The following MDGA2 variants were observed in gnomAD, a reference collection of about 807,000 sequenced individuals.
MDGA2 encodes MAM domain-containing glycosylphosphatidylinositol anchor protein 2.
In MDGA2, 40 loss-of-function variants were observed where a neutral mutation model predicts 117.8. The ratio of observed to expected loss-of-function variants is 0.34; its 90% CI spans 0.26 to 0.44. The LOEUF is 0.44. Among genes scored for constraint, MDGA2 ranks in the 20% least tolerant of loss-of-function variants. The pLI is 1.00. For missense variants in MDGA2, 1,123 were observed against 1,250.6 expected (o/e 0.90, Z 1.54); for synonymous variants, 452 against 439.0 (o/e 1.03, Z -0.37).
intron 6 of MDGA2, among the ~76,000 whole-genome samples, chr14:47,075,449 T>C (rs1374880447): frequency 6.6e-6 from 1 of 152,214 alleles, no homozygotes; most frequent in Non-Finnish European, 1.5e-5. Context: ...TCAGATTGAT[T>C]GTTGTCACCT....
At chr14:47,135,294 A>G (rs1882398122) in intron 4 of MDGA2, among the ~76,000 whole-genome samples, 1 of 152,100 alleles carries the variant, frequency 6.6e-6, no homozygotes, top group Non-Finnish European at 1.5e-5. Flanking sequence ...GCAACCTTTT[A>G]CTAATATATT....
intron 1 of MDGA2, among the ~76,000 whole-genome samples, chr14:47,452,488 T>C (rs17118724): frequency 0.32 from 48,927 of 151,916 alleles, 8,377 homozygotes; most frequent in East Asian, 0.59. Flanking sequence ...TGTTCTGACA[T>C]ATTGAGACCT....
intron 8 of MDGA2, among the ~76,000 whole-genome samples, chr14:47,031,469 GT>G (rs1186825088): frequency 6.6e-6 from 1 of 152,050 alleles, no homozygotes; most frequent in African/African-American, 2.4e-5. Flanking sequence ...ATAAATATGT[GT>G]GTGCTTGCGT....
At chr14:47,177,482 T>A (rs1331057266) in intron 3 of MDGA2, among the ~76,000 whole-genome samples, 1 of 152,210 alleles carries the variant, frequency 6.6e-6, no homozygotes, top group Non-Finnish European at 1.5e-5. Context: ...TAAAAAATGA[T>A]GAGTTCATGT....
At chr14:47,076,199 T>C (rs1473397723) in intron 6 of MDGA2, among the ~76,000 whole-genome samples, 1 of 152,086 alleles carries the variant, frequency 6.6e-6, no homozygotes, top group Non-Finnish European at 1.5e-5. Context: ...TTGTACAATA[T>C]TTTTTAAGTT....
At chr14:46,946,879 C>T (rs1176892549) in intron 9 of MDGA2, among the ~76,000 whole-genome samples, 5 of 152,164 alleles carry the variant, frequency 3.3e-5, no homozygotes, top group South Asian at 2.1e-4. Flanking sequence ...ACTGACAGGT[C>T]GTAGGAAGGA....
chr14:47,361,186 ACTCTCT>A (rs374880544), intron 1 of MDGA2, among the ~76,000 whole-genome samples: 76 of 142,328 alleles, frequency 5.3e-4, no homozygotes, highest in African/African-American at 1.8e-3. Context: ...GTCATGTTGT[ACTCTCT>A]CTCTCTCTCT....
intron 3 of MDGA2, among the ~76,000 whole-genome samples, chr14:47,178,283 T>C (rs1054058851): frequency 6.6e-6 from 1 of 152,190 alleles, no homozygotes; most frequent in East Asian, 1.9e-4. Context: ...AGGACTTTTC[T>C]AGGGCCATTG....
chr14:46,978,333 T>C (rs1255048242), intron 8 of MDGA2, among the ~76,000 whole-genome samples: 1 of 151,954 alleles, frequency 6.6e-6, no homozygotes, highest in Admixed American at 6.6e-5. Context: ...AAAATTGGCT[T>C]CTTCATTTAT....
chr14:46,950,881 T>TA (rs199617067), intron 9 of MDGA2, among the ~76,000 whole-genome samples: 5,946 of 148,640 alleles, frequency 0.04, 299 homozygotes, highest in African/African-American at 0.12. Flanking sequence ...AGTCCAAATT[T>TA]AAAAAAAAAA....
intron 1 of MDGA2, among the ~76,000 whole-genome samples, chr14:47,495,631 C>T (rs908792178): frequency 2.0e-5 from 3 of 152,142 alleles, no homozygotes; most frequent in African/African-American, 7.2e-5. Context: ...AATTTTCTAT[C>T]TGCAAAATGT....
At chr14:47,037,108 A>G (rs1202022824) in intron 7 of MDGA2, among the ~76,000 whole-genome samples, 1 of 152,210 alleles carries the variant, frequency 6.6e-6, no homozygotes, top group East Asian at 1.9e-4. Flanking sequence ...GAAGTGAATG[A>G]TGTAATTAAA....
intron 1 of MDGA2, among the ~76,000 whole-genome samples, chr14:47,577,675 A>G (rs957284100): frequency 1.3e-5 from 2 of 152,244 alleles, no homozygotes; most frequent in African/African-American, 4.8e-5. Context: ...GCCAACAAAC[A>G]TATGGAAAAA....
chr14:47,265,019 T>A (rs529928247), intron 2 of MDGA2, among the ~76,000 whole-genome samples: 1 of 152,124 alleles, frequency 6.6e-6, no homozygotes, highest in Non-Finnish European at 1.5e-5. Context: ...GTTTAACAAG[T>A]AGCTCTCTAA....
At position 46,987,091 on chromosome 14, in the gene MDGA2, C is replaced by T. The variant is rs1379588927; in HGVS notation, c.1820-29448G>A. On this transcript the variant is annotated intron_variant, in intron 8 of 16. Coordinates refer to ENST00000399232, the MANE Select transcript of MDGA2 (RefSeq NM_001113498.3). ...TAGTAATAACAGTTCATGATAGTGA[C>T]ACTAAAACACGTAACATAGAATGTG... 3.3e-5 allele frequency among the ~76,000 whole-genome samples: 5 copies of T among 152,194 alleles called. No homozygotes were observed. In the South Asian group the frequency reaches 6.2e-4, roughly 19 times the overall value.
At position 47,204,144 on chromosome 14, in the gene MDGA2, A is replaced by T. The variant is rs1408311811; in HGVS notation, c.595+13877T>A. Among the ~76,000 whole-genome samples the T allele has an allele frequency of 3.9e-5, 6 of 152,152 alleles. No homozygotes were observed. The East Asian group carries it at 5.8e-4, about 15-fold the overall frequency. ...TTTTATGCATACTAAGACTGGAGTC[A>T]TTCCACTTTGTTTTATCCAGCAGTT... On this transcript the variant is annotated intron_variant, in intron 3 of 16. Coordinates refer to ENST00000399232, the MANE Select transcript of MDGA2 (RefSeq NM_001113498.3).
At chr14:46,861,482 T>C (rs976312134) in intron 14 of MDGA2, among the ~76,000 whole-genome samples, 2 of 151,888 alleles carry the variant, frequency 1.3e-5, no homozygotes, top group African/African-American at 2.4e-5. Flanking sequence ...ATACATAATA[T>C]GTAAAAAAAT....
intron 8 of MDGA2, among the ~76,000 whole-genome samples, chr14:46,987,372 CA>C (rs1440982128): frequency 1.3e-5 from 2 of 152,040 alleles, no homozygotes; most frequent in Non-Finnish European, 2.9e-5. Context: ...GAATTCGACA[CA>C]AAAATGTCTA....
chr14:47,400,853 G>C (rs1594838370), intron 1 of MDGA2, among the ~76,000 whole-genome samples: 1 of 115,382 alleles, frequency 8.7e-6, no homozygotes, highest in Admixed American at 9.2e-5. Flanking sequence ...GCCTCCCGGG[G>C]TTCACGCCAT....
Sources: allele counts gnomAD v4.1 joint callset (sites outside exome capture counted in the v4.1 genomes callset), GRCh38; gene constraint gnomAD v4.1.1; transcripts MANE v1.5; gene names NCBI Gene and HGNC (gene_info 2026-07-23, HGNC 2026-07-21).